Variants in PDE4B observed in about 807,000 individuals in gnomAD.
PDE4B encodes the protein 3',5'-cyclic-AMP phosphodiesterase 4B.
PDE4B carries 20 observed loss-of-function variants against 82.2 expected under a neutral mutation model. That is an observed-to-expected ratio of 0.24 (90% CI 0.17 to 0.35). The LOEUF (loss-of-function observed/expected upper bound fraction) is 0.35. PDE4B is among the 10% of genes least tolerant of loss of function. The probability of loss-of-function intolerance (pLI) is 1.00; values close to 1 mark genes in which losing one functional copy is unlikely to be tolerated. For missense variants in PDE4B, 655 were observed against 907.2 expected (o/e 0.72, Z 3.57); for synonymous variants, 320 against 318.9 (o/e 1.00, Z -0.04).
At chr1:66,351,079 A>C (rs2101988978) in intron 8 of PDE4B, among the ~76,000 whole-genome samples, 1 of 152,314 alleles carries the variant, frequency 6.6e-6, no homozygotes, top group East Asian at 1.9e-4. Context: ...AATAGAAGCA[A>C]TTTCTAGCAG....
At chr1:65,894,132 A>C (rs972631041) in intron 1 of PDE4B, among the ~76,000 whole-genome samples, 1 of 152,054 alleles carries the variant, frequency 6.6e-6, no homozygotes, top group Admixed American at 6.6e-5. Context: ...CCTGTACCCC[A>C]AACAACTGTT....
intron 3 of PDE4B, among the ~76,000 whole-genome samples, chr1:66,136,896 C>G (rs1389743654): frequency 6.6e-6 from 1 of 151,662 alleles, no homozygotes; most frequent in Non-Finnish European, 1.5e-5. Flanking sequence ...GTAAAGAGGT[C>G]TAAGAAGGAG....
intron 7 of PDE4B, chr1:66,330,693 T>C (rs1660042101): frequency 1.2e-6 from 1 of 810,366 alleles, no homozygotes; most frequent in South Asian, 5.6e-5. Flanking sequence ...GGGTTCTGTC[T>C]CTTCAGAAAA....
intron 7 of PDE4B, among the ~76,000 whole-genome samples, chr1:66,314,752 T>C (rs1658909052): frequency 6.6e-6 from 1 of 152,234 alleles, no homozygotes; most frequent in Non-Finnish European, 1.5e-5. Flanking sequence ...GAAACCTATC[T>C]TGTCTCTGCT....
intron 8 of PDE4B, among the ~76,000 whole-genome samples, chr1:66,340,537 A>C (rs1660901510): frequency 6.6e-6 from 1 of 152,192 alleles, no homozygotes; most frequent in Admixed American, 6.5e-5. Flanking sequence ...TATTAAAATA[A>C]AATGTATCTT....
chr1:66,323,858 T>A lies in PDE4B; in HGVS notation c.635-8650T>A, dbSNP rs1659576795. On this transcript the variant is annotated intron_variant, in intron 7 of 16. Coordinates refer to ENST00000341517, the MANE Select transcript of PDE4B (RefSeq NM_002600.4). ...TTTAATCACTGCTCTATATCCTTCA[T>A]AAATATTTTGTCAATATATTTACTT... is the stretch of plus-strand genomic sequence containing the variant. Among the ~76,000 whole-genome samples the A allele has an allele frequency of 6.6e-5, 10 of 152,318 alleles. No homozygotes were observed. In the South Asian group the frequency reaches 2.1e-3, roughly 32 times the overall value.
chr1:66,092,327 G>A (rs1645041652), intron 3 of PDE4B, among the ~76,000 whole-genome samples: 1 of 151,956 alleles, frequency 6.6e-6, no homozygotes, highest in African/African-American at 2.4e-5. Flanking sequence ...CAAGAGTTCA[G>A]TTCCTACAGC....
intron 8 of PDE4B, among the ~76,000 whole-genome samples, chr1:66,343,065 C>T (rs1023863835): frequency 6.7e-6 from 1 of 149,814 alleles, no homozygotes; most frequent in Non-Finnish European, 1.5e-5. Flanking sequence ...TGTCAAAAAA[C>T]AACAACAAAA....
At chr1:66,134,907 A>G (rs939288486) in intron 3 of PDE4B, among the ~76,000 whole-genome samples, 4 of 152,244 alleles carry the variant, frequency 2.6e-5, no homozygotes, top group Admixed American at 1.3e-4. Context: ...AGAAAGATAC[A>G]GCGTGAAGTC....
intron 3 of PDE4B, among the ~76,000 whole-genome samples, chr1:66,227,698 C>T (rs1651564083): frequency 6.6e-6 from 1 of 152,206 alleles, no homozygotes; most frequent in African/African-American, 2.4e-5. Context: ...CCTGCATGGA[C>T]TACCCCTGAC....
intron 7 of PDE4B, among the ~76,000 whole-genome samples, chr1:66,278,500 C>T (rs1656056123): frequency 6.6e-6 from 1 of 152,232 alleles, no homozygotes; most frequent in African/African-American, 2.4e-5. Context: ...AAGGCTAAAC[C>T]TCCGGAGTTC....
intron 1 of PDE4B, among the ~76,000 whole-genome samples, chr1:65,816,237 G>T (rs1645883446): frequency 1.7e-5 from 1 of 58,672 alleles, no homozygotes; most frequent in African/African-American, 4.5e-5. Flanking sequence ...ATGAGAGAGA[G>T]AGAGATAGAG....
chr1:65,953,835 TTGAA>T (rs755908158), intron 3 of PDE4B, among the ~76,000 whole-genome samples: 1 of 152,086 alleles, frequency 6.6e-6, no homozygotes, highest in Non-Finnish European at 1.5e-5. Flanking sequence ...CAAATGGTCT[TTGAA>T]TGACTCAATA....
rs146498288 is a variant in PDE4B at position 66,107,631 on chromosome 1, C to A, written c.282-139829C>A. ...GCTGCAGAAATAACATATTGTTATG[C>A]AGATATATTCACTTCAAGGCAAAAC... On this transcript the variant is annotated intron_variant, in intron 3 of 16. Coordinates refer to ENST00000341517, the MANE Select transcript of PDE4B (RefSeq NM_002600.4). 3.9e-5 allele frequency among the ~76,000 whole-genome samples: 6 copies of A among 152,046 alleles called. No homozygotes were observed. In the East Asian group the frequency reaches 1.2e-3, roughly 29 times the overall value.
intron 1 of PDE4B, among the ~76,000 whole-genome samples, chr1:65,894,165 CAG>C (rs1047588487): frequency 4.0e-5 from 6 of 151,806 alleles, no homozygotes; most frequent in African/African-American, 1.5e-4. Flanking sequence ...AAGAAAAAAA[CAG>C]AGTTAGAGGA....
chr1:66,312,140 T>C (rs1238794320), intron 7 of PDE4B, among the ~76,000 whole-genome samples: 1 of 152,186 alleles, frequency 6.6e-6, no homozygotes, highest in Admixed American at 6.5e-5. Flanking sequence ...AATCCACATT[T>C]CTTTAACCTA....
At chr1:66,167,449 A>G (rs748564151) in intron 3 of PDE4B, among the ~76,000 whole-genome samples, 6 of 152,214 alleles carry the variant, frequency 3.9e-5, no homozygotes, top group Non-Finnish European at 8.8e-5. Flanking sequence ...GTGTGATTCA[A>G]TTAACATGAA....
At chr1:65,865,419 TG>T (rs1309068997) in intron 1 of PDE4B, among the ~76,000 whole-genome samples, 1 of 133,946 alleles carries the variant, frequency 7.5e-6, no homozygotes, top group Non-Finnish European at 1.6e-5. Flanking sequence ...CAGGTGCCTC[TG>T]GGGGGTGGCG....
At chr1:66,210,924 T>C (rs1298644081) in intron 3 of PDE4B, among the ~76,000 whole-genome samples, 1 of 152,164 alleles carries the variant, frequency 6.6e-6, no homozygotes, top group Non-Finnish European at 1.5e-5. Flanking sequence ...TTCAGATGGT[T>C]GTGTCTAAGA....
Sources: gnomAD v4.1 joint callset for allele counts (sites outside exome capture counted in the v4.1 genomes callset) on GRCh38, gnomAD v4.1.1 for gene constraint, MANE v1.5 for transcripts, NCBI Gene and HGNC (gene_info 2026-07-23, HGNC 2026-07-21) for gene names.